The following FGF13 variants were observed in gnomAD, a reference collection of about 807,000 sequenced individuals.
FGF13 encodes the protein fibroblast growth factor homologous factor 2.
Under a neutral mutation model 19.5 loss-of-function variants are expected in FGF13, and 2 were observed. The observed-to-expected ratio is 0.10, with a 90% CI of 0.04 to 0.32. The LOEUF (loss-of-function observed/expected upper bound fraction) is 0.32, where lower values mean the gene tolerates loss of function less well. Among genes scored for constraint, FGF13 ranks in the 10% least tolerant of loss-of-function variants. FGF13 has a pLI of 1.00. For synonymous variants in FGF13, 72 were observed against 76.9 expected, an observed-to-expected ratio of 0.94 and a Z score of 0.33; for missense variants, 113 against 192.7, an observed-to-expected ratio of 0.59 and a Z score of 2.45.
chrX:138,895,396 T>C (rs980929907), intron 1 of FGF13, among the ~76,000 whole-genome samples: 5 of 111,801 alleles, frequency 4.5e-5, no homozygotes, highest in African/African-American at 1.6e-4. Context: ...AATTAAAAAA[T>C]GGGCAAAGGA....
intron 1 of FGF13, among the ~76,000 whole-genome samples, chrX:139,193,026 G>A (rs1315803580): frequency 1.8e-5 from 2 of 110,948 alleles, no homozygotes; most frequent in Non-Finnish European, 3.8e-5. Flanking sequence ...CATATTTATC[G>A]AGTAAATTAA....
chrX:138,733,108 A>G (rs2090245397), intron 1 of FGF13, among the ~76,000 whole-genome samples: 1 of 111,639 alleles, frequency 9.0e-6, no homozygotes. Context: ...GATTTTGGAT[A>G]TTTTCATGAG....
At chrX:138,930,688 G>A (rs773829777) in intron 1 of FGF13, among the ~76,000 whole-genome samples, 59 of 112,104 alleles carry the variant, frequency 5.3e-4, no homozygotes, top group African/African-American at 1.9e-3. Context: ...GTTATATGGC[G>A]GCTTAGTAGA....
chrX:138,966,873 TC>T lies in FGF13; in HGVS notation c.-112-102224del, dbSNP rs1406936879. On this transcript the variant is annotated intron_variant, in intron 1 of 2. Coordinates refer to the FGF13 transcript ENST00000421460. ...GATAACTGAATCATGGGGGGTGGTT[TC>T]CCCCATACTACTCTTGTGATAGCCA... Among the ~76,000 whole-genome samples, 3 of 110,909 alleles carry T rather than the reference TC, an allele frequency of 2.7e-5. No individual in the cohort carries two copies. In the Admixed American group the frequency reaches 2.9e-4, roughly 11 times the overall value.
At chrX:139,165,527 T>C (rs1322250331) in intron 1 of FGF13, among the ~76,000 whole-genome samples, 1 of 111,380 alleles carries the variant, frequency 9.0e-6, no homozygotes, top group African/African-American at 3.3e-5. Context: ...ACTTTGGATA[T>C]TTTTTACTCT....
At chrX:139,018,486 G>A (rs1313716102) in intron 1 of FGF13, among the ~76,000 whole-genome samples, 1 of 111,253 alleles carries the variant, frequency 9.0e-6, no homozygotes, top group Non-Finnish European at 1.9e-5. Context: ...AGCCCCAGGT[G>A]GCAAATTATT....
chrX:138,711,544 C>T lies in FGF13; in HGVS notation c.-541G>A. ...CGCCCTGGCCCCTCCGAGTCTTCGA[C>T]TAGTCCTTGCAACTTCTTGGCGTGA... On this transcript the variant is annotated 5_prime_UTR_variant, in exon 1 of 5. The change abolishes the stop of an existing upstream ORF in the 5' untranslated region. Transcript: ENST00000315930. 9 of 756,110 alleles carry T rather than the reference C, an allele frequency of 1.2e-5. No homozygotes were observed. The highest frequency in any genetic ancestry group is 1.2e-5 in the Non-Finnish European group (8 of 640,052). 62.3% of individuals were successfully genotyped at this position (756,110 alleles called of 1,213,427 possible).
intron 3 of FGF13, among the ~76,000 whole-genome samples, chrX:138,697,173 G>A (rs774194929): frequency 4.2e-4 from 47 of 111,777 alleles, no homozygotes; most frequent in African/African-American, 1.5e-3. Context: ...AAGCTAAGGT[G>A]TCACAACTGC....
chrX:138,938,602 A>G (rs1261516139), intron 1 of FGF13, among the ~76,000 whole-genome samples: 1 of 111,273 alleles, frequency 9.0e-6, no homozygotes, highest in African/African-American at 3.3e-5. Flanking sequence ...TCTGTTTGCT[A>G]CTTAGCCCCT....
chrX:139,126,512 G>A (rs1412054273), intron 1 of FGF13, among the ~76,000 whole-genome samples: 2 of 111,692 alleles, frequency 1.8e-5, no homozygotes, highest in Non-Finnish European at 3.8e-5. Flanking sequence ...TGTGGATTCT[G>A]AGTACCCAGA....
intron 1 of FGF13, among the ~76,000 whole-genome samples, chrX:138,969,535 A>C (rs912308976): frequency 8.9e-6 from 1 of 112,107 alleles, no homozygotes; most frequent in South Asian, 3.7e-4. Flanking sequence ...ATAATGTCTG[A>C]AAAATAAAAT....
intron 1 of FGF13, among the ~76,000 whole-genome samples, chrX:138,906,696 C>T (rs867426346): frequency 9.0e-6 from 1 of 111,723 alleles, no homozygotes; most frequent in Non-Finnish European, 1.9e-5. Context: ...TTTCAATACT[C>T]CTGGTGACTA....
chrX:138,711,505 G>C lies in FGF13; in HGVS notation c.-502C>G. On this transcript the variant is annotated 5_prime_UTR_variant, in exon 1 of 5. Transcript: ENST00000315930. ...CGGAGGAGGGACGAGGCAGCGCGCG[G>C]GGGAGCGCGCCCTCGCCCTGGCCCC... 2 of 753,627 alleles carry C rather than the reference G, an allele frequency of 2.7e-6. No individual in the cohort carries two copies. The highest frequency in any genetic ancestry group is 3.1e-6 in the Non-Finnish European group (2 of 637,554). 62.1% of individuals were successfully genotyped at this position (753,627 alleles called of 1,213,427 possible).
chrX:139,118,286 C>T (rs780110023), intron 1 of FGF13, among the ~76,000 whole-genome samples: 41 of 112,007 alleles, frequency 3.7e-4, no homozygotes, highest in Non-Finnish European at 7.1e-4. Context: ...GTCAAAAGTG[C>T]TTTTTCAAGT....
chrX:139,065,114 T>C (rs1211377072), intron 1 of FGF13, among the ~76,000 whole-genome samples: 1 of 110,805 alleles, frequency 9.0e-6, no homozygotes, highest in Non-Finnish European at 1.9e-5. Flanking sequence ...ATTGAGATGT[T>C]ATCACCAACA....
At chrX:139,191,308 T>G (rs1387992611) in intron 1 of FGF13, among the ~76,000 whole-genome samples, 3 of 112,507 alleles carry the variant, frequency 2.7e-5, no homozygotes, top group African/African-American at 9.7e-5. Context: ...TTGGAGACAA[T>G]GGCCTCAGAA....
chrX:138,682,412 A>G (rs2089737764), intron 3 of FGF13, among the ~76,000 whole-genome samples: 1 of 112,984 alleles, frequency 8.9e-6, no homozygotes. Flanking sequence ...GGAAAGCTAC[A>G]TCATTGAATA....
chrX:139,163,976 G>C (rs1184973529), intron 1 of FGF13, among the ~76,000 whole-genome samples: 1 of 111,158 alleles, frequency 9.0e-6, no homozygotes, highest in African/African-American at 3.3e-5. Flanking sequence ...TTCCAAATAA[G>C]GAATCATATT....
chrX:138,883,507 C>T (rs1345284251), intron 1 of FGF13, among the ~76,000 whole-genome samples: 5 of 111,256 alleles, frequency 4.5e-5, no homozygotes, highest in Non-Finnish European at 9.4e-5. Flanking sequence ...AGGCATGCCA[C>T]CACGAAGCGG....
Sources: gnomAD v4.1 joint callset for allele counts (sites outside exome capture counted in the v4.1 genomes callset) on GRCh38, gnomAD v4.1.1 for gene constraint, MANE v1.5 for transcripts, NCBI Gene and HGNC (gene_info 2026-07-23, HGNC 2026-07-21) for gene names.